The following GRID2 variants were observed in gnomAD, a reference collection of about 807,000 sequenced individuals.
The protein encoded by GRID2 is glutamate ionotropic receptor delta type subunit 2.
Under a neutral mutation model 114.8 loss-of-function variants are expected in GRID2, and 33 were observed. The ratio of observed to expected loss-of-function variants is 0.29; its 90% CI spans 0.22 to 0.38. GRID2 has a LOEUF of 0.38. Ranked by LOEUF, GRID2 falls within the 10% of genes least tolerant of loss-of-function variation. The pLI is 1.00. For missense variants in GRID2, 1,184 were observed against 1,257.7 expected (o/e 0.94, Z 0.89); for synonymous variants, 505 against 449.9 (o/e 1.12, Z -1.55).
chr4:92,435,535 G>A (rs1732695439), intron 1 of GRID2, among the ~76,000 whole-genome samples: 1 of 152,162 alleles, frequency 6.6e-6, no homozygotes, highest in South Asian at 2.1e-4. Flanking sequence ...GACCCTGTCT[G>A]GAATACAATA....
chr4:93,199,754 T>C (rs766908505), intron 4 of GRID2, among the ~76,000 whole-genome samples: 8 of 152,218 alleles, frequency 5.3e-5, no homozygotes, highest in Non-Finnish European at 1.0e-4. Flanking sequence ...TGCCCAGTGT[T>C]GGCGTGAGGG....
chr4:93,546,026 A>C (rs1255150588), intron 13 of GRID2, among the ~76,000 whole-genome samples: 1 of 152,222 alleles, frequency 6.6e-6, no homozygotes, highest in African/African-American at 2.4e-5. Context: ...AAATAGAATG[A>C]AATCACAAAT....
chr4:92,701,615 TCCA>T (rs541330180), intron 2 of GRID2, among the ~76,000 whole-genome samples: 115 of 152,202 alleles, frequency 7.6e-4, no homozygotes, highest in Middle Eastern at 3.4e-3. Flanking sequence ...TGTTAACATT[TCCA>T]CCGACAAATG....
chr4:93,480,521 G>A (rs1439092736), intron 11 of GRID2, among the ~76,000 whole-genome samples: 4 of 151,896 alleles, frequency 2.6e-5, no homozygotes, highest in Non-Finnish European at 4.4e-5. Context: ...TGTAAATAGA[G>A]GCACCTATTT....
chr4:92,709,293 GAA>G (rs1735103352), intron 2 of GRID2, among the ~76,000 whole-genome samples: 1 of 152,094 alleles, frequency 6.6e-6, no homozygotes, highest in East Asian at 1.9e-4. Flanking sequence ...TAAGTAGGTT[GAA>G]AAAGTCATCT....
chr4:93,103,120 G>A (rs1257343528), intron 3 of GRID2, among the ~76,000 whole-genome samples: 4 of 151,940 alleles, frequency 2.6e-5, no homozygotes, highest in African/African-American at 7.2e-5. Flanking sequence ...ATTACCCTCC[G>A]CTTAGGGGAA....
intron 3 of GRID2, among the ~76,000 whole-genome samples, chr4:93,098,793 A>G (rs1731445707): frequency 6.6e-6 from 1 of 151,930 alleles, no homozygotes; most frequent in Non-Finnish European, 1.5e-5. Context: ...TTGGAGGGCT[A>G]CTTCAATGAC....
intron 1 of GRID2, among the ~76,000 whole-genome samples, 175 bp from the exon 2 acceptor site, chr4:92,589,956 A>G (rs768781732): frequency 1.8e-4 from 28 of 152,198 alleles, no homozygotes; most frequent in Non-Finnish European, 4.0e-4. Flanking sequence ...AAGTAACTAT[A>G]TTCCTTCTCA....
intron 8 of GRID2, among the ~76,000 whole-genome samples, chr4:93,292,426 G>T (rs1168906615): frequency 6.6e-6 from 1 of 152,192 alleles, no homozygotes; most frequent in African/African-American, 2.4e-5. Context: ...ACAGAACTAA[G>T]AAGTAAGGGG....
At chr4:92,500,180 C>A (rs1458704572) in intron 1 of GRID2, among the ~76,000 whole-genome samples, 1 of 151,410 alleles carries the variant, frequency 6.6e-6, no homozygotes, top group Admixed American at 6.6e-5. Flanking sequence ...TTTTTTAAAT[C>A]TTTTATCCAG....
chr4:92,987,652 G>T (rs2149198079), intron 2 of GRID2, among the ~76,000 whole-genome samples: 1 of 152,058 alleles, frequency 6.6e-6, no homozygotes, highest in Middle Eastern at 3.4e-3. Context: ...TCCTATTGAT[G>T]CTAGAAAAAG....
intron 8 of GRID2, among the ~76,000 whole-genome samples, chr4:93,355,712 T>G (rs1484534046): frequency 2.0e-5 from 3 of 152,002 alleles, no homozygotes; most frequent in Non-Finnish European, 4.4e-5. Context: ...TATCTAGAAT[T>G]TGCTTGTAAT....
At chr4:93,532,917 G>C (rs1731598268) in intron 13 of GRID2, among the ~76,000 whole-genome samples, 2 of 152,030 alleles carry the variant, frequency 1.3e-5, no homozygotes, top group Admixed American at 1.3e-4. Context: ...ATAATATACT[G>C]TTTGAATCAG....
intron 1 of GRID2, among the ~76,000 whole-genome samples, chr4:92,493,190 C>T (rs1452259431): frequency 1.3e-5 from 2 of 150,684 alleles, no homozygotes; most frequent in South Asian, 2.1e-4. Context: ...GTTACTATTT[C>T]GCTAAGAAAA....
chr4:93,686,293 T>C (rs1198440393), intron 14 of GRID2, among the ~76,000 whole-genome samples: 3 of 151,988 alleles, frequency 2.0e-5, no homozygotes, highest in East Asian at 1.9e-4. Context: ...TCATGAGGTC[T>C]TATCAATATC....
intron 2 of GRID2, among the ~76,000 whole-genome samples, chr4:92,757,130 G>A (rs1192720850): frequency 6.6e-6 from 1 of 152,010 alleles, no homozygotes; most frequent in Non-Finnish European, 1.5e-5. Context: ...TATTGTATTT[G>A]CTGAGGGATA....
chr4:93,163,378 ATATATATATATATATATATATACAC>A (rs1247877495), intron 4 of GRID2, among the ~76,000 whole-genome samples: 9 of 45,348 alleles, frequency 2.0e-4, no homozygotes, highest in Admixed American at 3.8e-4. Flanking sequence ...ATATATATAT[ATATATATATATATATATATATACAC>A]TATATATATA....
intron 1 of GRID2, among the ~76,000 whole-genome samples, chr4:92,461,341 C>A (rs1721487880): frequency 6.6e-6 from 1 of 151,732 alleles, no homozygotes; most frequent in African/African-American, 2.4e-5. Context: ...ACATCATTTT[C>A]TTATAATGTT....
chr4:93,414,515 A>T (rs1478303400), intron 9 of GRID2, among the ~76,000 whole-genome samples: 1 of 151,940 alleles, frequency 6.6e-6, no homozygotes, highest in Non-Finnish European at 1.5e-5. Context: ...TGTCTCTTAA[A>T]CAAGTCAGAG....
Sources: gnomAD v4.1 joint callset for allele counts (sites outside exome capture counted in the v4.1 genomes callset) on GRCh38, gnomAD v4.1.1 for gene constraint, MANE v1.5 for transcripts, NCBI Gene and HGNC (gene_info 2026-07-23, HGNC 2026-07-21) for gene names.